Variants in SPG21 observed in about 807,000 individuals in gnomAD.
The protein encoded by SPG21 is maspardin.
Under a neutral mutation model 38.9 loss-of-function variants are expected in SPG21, and 26 were observed. The observed-to-expected ratio is 0.67, with a 90% CI of 0.49 to 0.93. The LOEUF is 0.93. Among genes scored for constraint, SPG21 ranks in the 40% least tolerant of loss-of-function variants. The pLI, the probability that SPG21 is intolerant of heterozygous loss-of-function variation, is 0.00. For missense variants in SPG21, 333 were observed against 376.5 expected (o/e 0.88, Z 0.96); for synonymous variants, 136 against 128.9 (o/e 1.05, Z -0.37).
intron 1 of SPG21, among the ~76,000 whole-genome samples, chr15:64,985,922 T>C (rs1254708535): frequency 1.3e-5 from 2 of 152,202 alleles, no homozygotes; most frequent in Non-Finnish European, 2.9e-5. Flanking sequence ...TTCTCAAAGC[T>C]AAGATGGTAA....
intron 3 of SPG21, 71 bp downstream of exon 3, chr15:64,980,790 CTGA>C: frequency 6.7e-7 from 1 of 1,502,074 alleles, no homozygotes; most frequent in Non-Finnish European, 9.2e-7. Flanking sequence ...ATTACTATAG[CTGA>C]TGAGAGACAG....
chr15:64,967,692 C>T (rs982613269), intron 7 of SPG21, among the ~76,000 whole-genome samples: 4 of 152,086 alleles, frequency 2.6e-5, no homozygotes, highest in African/African-American at 9.7e-5. Flanking sequence ...AGGATGGTCT[C>T]GATCTCTTGA....
At chr15:64,974,434 C>G (rs2085735200) in intron 5 of SPG21, among the ~76,000 whole-genome samples, 168 bp downstream of exon 5, 1 of 152,036 alleles carries the variant, frequency 6.6e-6, no homozygotes, top group African/African-American at 2.4e-5. Flanking sequence ...GTGATTGCAC[C>G]ACTGCACTTC....
intron 1 of SPG21, among the ~76,000 whole-genome samples, chr15:64,984,627 C>T (rs948738517): frequency 2.0e-5 from 3 of 152,110 alleles, no homozygotes; most frequent in Admixed American, 6.5e-5. Flanking sequence ...GCTGGGATTA[C>T]GGGTATGAGC....
At chr15:64,972,617 G>T (rs1219259938) in intron 5 of SPG21, among the ~76,000 whole-genome samples, 1 of 152,180 alleles carries the variant, frequency 6.6e-6, no homozygotes, top group Non-Finnish European at 1.5e-5. Context: ...CGGATCACGA[G>T]GTCAGGAGAT....
intron 5 of SPG21, among the ~76,000 whole-genome samples, chr15:64,974,206 C>T (rs1359241750): frequency 6.6e-6 from 1 of 152,152 alleles, no homozygotes; most frequent in African/African-American, 2.4e-5. Flanking sequence ...GTGGCTCATG[C>T]CTGTAATCCC....
At chr15:64,981,312 C>T in intron 2 of SPG21, 4 of 352,124 alleles carry the variant, frequency 1.1e-5, no homozygotes, top group Admixed American at 4.8e-5. Flanking sequence ...TTTTTTGAGA[C>T]AGAGTCTCGC....
chr15:64,965,087 C>G (rs1211862444), intron 8 of SPG21, among the ~76,000 whole-genome samples: 1 of 152,136 alleles, frequency 6.6e-6, no homozygotes, highest in African/African-American at 2.4e-5. Context: ...TGAATGCAGG[C>G]CTGCTGTCCT....
intron 7 of SPG21, 41 bp from the exon 8 acceptor site, chr15:64,965,501 A>AAC (rs150355725): frequency 5.0e-6 from 8 of 1,613,386 alleles, no homozygotes; most frequent in South Asian, 2.2e-5. Flanking sequence ...GGAAAGGTAA[A>AAC]ACACACACAC....
In SPG21 at chr15:64,974,709, G is replaced by A; in HGVS notation, c.345C>T (p.Ala115=). 1.9e-6 allele frequency: 3 copies of A among 1,613,994 alleles called. No homozygotes were observed. Among genetic ancestry groups the A allele is most frequent in the Non-Finnish European group, 2.5e-6 (3 of 1,180,000 alleles). Residue 115 remains alanine, a synonymous_variant, in exon 5 of 9, where the codon GCC becomes GCT. Transcript: ENST00000204566. ...TGTGAGTGTATTCAGCAAATTTCTG[G>A]GCCAAAAAGCCTCCCAAAGAAGCGC... ...LFGASLGGFL[A]QKFAEYTHKS...
rs534496682 is a variant in SPG21 at position 64,963,727 on chromosome 15, G to T, written c.820C>A (p.Leu274Met). 5 of 1,613,398 alleles carry T rather than the reference G, an allele frequency of 3.1e-6. No homozygotes were observed. Among genetic ancestry groups the T allele is most frequent in the Non-Finnish European group, 4.2e-6 (5 of 1,179,444 alleles). ...EVNLYVQIHL[L>M]QFHGTKYAAI... ...GCGTATTTGGTTCCATGGAATTGCA[G>T]CAAATGTATCTGTTGAAATGCAGAA... The change falls in exon 9 of 9, where the codon CTG becomes ATG. Residue 274 changes from leucine to methionine, a missense_variant. Coordinates refer to ENST00000204566, the MANE Select transcript of SPG21 (RefSeq NM_016630.7).
Position 64,965,368 on chromosome 15 carries a change from GCCT to G in SPG21, c.759_761del (p.Gly254del), listed in dbSNP as rs2085521175. On this transcript the variant is annotated inframe_deletion, in exon 8 of 9. Coordinates refer to ENST00000204566, the MANE Select transcript of SPG21 (RefSeq NM_016630.7). Reference sequence around the variant, plus strand: ...CACTTCTGCACAGGTATGGGAAATTGCCTCCTGTTTTCAGATGAGCTCTTCGGG... The same window carrying G: ...CACTTCTGCACAGGTATGGGAAATTGCCTGTTTTCAGATGAGCTCTTCGGG... The G allele has an allele frequency of 1.2e-6, 2 of 1,614,098 alleles. No homozygotes were observed. The highest frequency in any genetic ancestry group is 1.7e-6 in the Non-Finnish European group (2 of 1,180,034).
chr15:64,972,845 C>T (rs1405463471), intron 5 of SPG21, among the ~76,000 whole-genome samples: 1 of 148,862 alleles, frequency 6.7e-6, no homozygotes, highest in Non-Finnish European at 1.5e-5. Flanking sequence ...AACAAACAAA[C>T]AAAAAAACAA....
At chr15:64,971,334 T>C (rs2085657176) in intron 5 of SPG21, among the ~76,000 whole-genome samples, 1 of 151,086 alleles carries the variant, frequency 6.6e-6, no homozygotes, top group Non-Finnish European at 1.5e-5. Flanking sequence ...GGTCAGGAGA[T>C]TGAGACCATC....
chr15:64,980,740 CAAACA>C, intron 3 of SPG21, 119 bp downstream of exon 3: 1 of 261,816 alleles, frequency 3.8e-6, no homozygotes, highest in Non-Finnish European at 5.6e-6. Context: ...TCCATCTCAA[CAAACA>C]AACAAACAAA....
At chr15:64,981,567 G>A (rs1306095345) in intron 2 of SPG21, 1 of 153,952 alleles carries the variant, frequency 6.5e-6, no homozygotes, top group Non-Finnish European at 1.4e-5. Context: ...GGGATTACAG[G>A]CGTGAGCCAC....
chr15:64,979,451 T>C (rs1288056372), intron 3 of SPG21, among the ~76,000 whole-genome samples: 1 of 152,116 alleles, frequency 6.6e-6, no homozygotes, highest in Non-Finnish European at 1.5e-5. Context: ...CAAAGGAGGA[T>C]TATGTTGCAG....
At chr15:64,981,264 G>T in intron 2 of SPG21, 1 of 458,714 alleles carries the variant, frequency 2.2e-6, no homozygotes, top group Admixed American at 3.8e-5. Context: ...AAGGGCTGCT[G>T]CTTCTCTGTT....
Position 64,963,551 on chromosome 15 carries a change from A to C in SPG21, c.*69T>G. ...CGAACCTGAAGGAAAAGGCTGGCTG[A>C]CGGGTGCTGATGCCACTGACTATAC... On this transcript the variant is annotated 3_prime_UTR_variant, in exon 9 of 9. Transcript: ENST00000204566. 1 of 1,322,438 alleles carries C rather than the reference A, an allele frequency of 7.6e-7. No individual in the cohort carries two copies. The highest frequency in any genetic ancestry group is 1.2e-5 in the South Asian group (1 of 85,022). 81.9% of individuals were successfully genotyped at this position (1,322,438 alleles called of 1,614,324 possible).
Sources: gnomAD v4.1 joint callset for allele counts (sites outside exome capture counted in the v4.1 genomes callset) on GRCh38, gnomAD v4.1.1 for gene constraint, MANE v1.5 for transcripts, NCBI Gene and HGNC (gene_info 2026-07-23, HGNC 2026-07-21) for gene names.